Variants in ENTREP2 observed in about 807,000 individuals in gnomAD.
ENTREP2 encodes the protein protein ENTREP2.
the ENTREP2 span, among the ~76,000 whole-genome samples, chr15:29,618,829 G>A: frequency 6.6e-6 from 1 of 152,172 alleles, no homozygotes; most frequent in Admixed American, 6.5e-5. Context: ...ACAGGAGGGT[G>A]ACTCAGCCTG....
At chr15:29,439,113 T>TA in the ENTREP2 span, among the ~76,000 whole-genome samples, 1 of 152,140 alleles carries the variant, frequency 6.6e-6, no homozygotes, top group African/African-American at 2.4e-5. Flanking sequence ...GGAGCTCAAC[T>TA]AGCACCCTGG....
chr15:29,148,558 AGTT>A, the ENTREP2 span, among the ~76,000 whole-genome samples: 1 of 152,236 alleles, frequency 6.6e-6, no homozygotes, highest in Non-Finnish European at 1.5e-5. Context: ...CTATGGAAAT[AGTT>A]GTTATACTGT....
chr15:29,472,766 A>G, the ENTREP2 span, among the ~76,000 whole-genome samples: 1 of 152,196 alleles, frequency 6.6e-6, no homozygotes, highest in African/African-American at 2.4e-5. Context: ...CACCCGGCCT[A>G]TAATCAATTA....
chr15:29,346,318 G>A, the ENTREP2 span, among the ~76,000 whole-genome samples: 19 of 152,276 alleles, frequency 1.2e-4, no homozygotes, highest in African/African-American at 3.4e-4. Context: ...CTCACCGGCC[G>A]GGGACTGCTT....
chr15:29,578,708 C>G, the ENTREP2 span, among the ~76,000 whole-genome samples: 1 of 152,190 alleles, frequency 6.6e-6, no homozygotes, highest in Non-Finnish European at 1.5e-5. Flanking sequence ...TCCTTACGGA[C>G]AGGAATCATT....
the ENTREP2 span, among the ~76,000 whole-genome samples, chr15:29,333,533 G>T: frequency 3.3e-5 from 5 of 152,106 alleles, no homozygotes; most frequent in African/African-American, 1.2e-4. Context: ...GCTTTGGGGG[G>T]ACACGTGGGC....
chr15:29,529,857 T>C, the ENTREP2 span, among the ~76,000 whole-genome samples: 2 of 152,208 alleles, frequency 1.3e-5, no homozygotes, highest in Non-Finnish European at 2.9e-5. Context: ...CACAGGTTTA[T>C]GGCCATTCTG....
chr15:29,334,474 T>C, the ENTREP2 span, among the ~76,000 whole-genome samples: 2 of 152,240 alleles, frequency 1.3e-5, no homozygotes, highest in Non-Finnish European at 2.9e-5. Flanking sequence ...CTGAAAGGCA[T>C]GTTTTCATAG....
At chr15:29,502,002 A>C in the ENTREP2 span, among the ~76,000 whole-genome samples, 4 of 152,150 alleles carry the variant, frequency 2.6e-5, no homozygotes, top group South Asian at 8.3e-4. Context: ...ACCATAAAAC[A>C]TTGCTGAAGT....
At chr15:29,313,234 C>A in the ENTREP2 span, among the ~76,000 whole-genome samples, 2 of 152,150 alleles carry the variant, frequency 1.3e-5, no homozygotes, top group Admixed American at 6.5e-5. Context: ...ACCTGCAAGT[C>A]CAGAAGATCC....
At chr15:29,269,791 G>C in the ENTREP2 span, 1 of 1,255,308 alleles carries the variant, frequency 8.0e-7, no homozygotes, top group Non-Finnish European at 1.0e-6. Context: ...TAACGCCGGT[G>C]CCTGGAGGCG....
the ENTREP2 span, among the ~76,000 whole-genome samples, chr15:29,659,201 T>G: frequency 1.3e-5 from 2 of 152,182 alleles, no homozygotes; most frequent in Non-Finnish European, 2.9e-5. Context: ...CTGGGCACAG[T>G]GGCTCATGCC....
the ENTREP2 span, chr15:29,252,378 C>T: frequency 6.5e-7 from 1 of 1,548,162 alleles, no homozygotes; most frequent in East Asian, 2.4e-5. Flanking sequence ...CAACTGGCAG[C>T]CTTCTAGGGA....
the ENTREP2 span, among the ~76,000 whole-genome samples, chr15:29,651,725 C>A: frequency 6.6e-6 from 1 of 152,240 alleles, no homozygotes; most frequent in Admixed American, 6.5e-5. Flanking sequence ...ACACTCGGGG[C>A]AGCACCGACA....
At chr15:29,269,799 G>A in the ENTREP2 span, 2 of 1,226,284 alleles carry the variant, frequency 1.6e-6, no homozygotes, top group East Asian at 3.1e-5. Flanking sequence ...GTGCCTGGAG[G>A]CGCGCGCAGT....
the ENTREP2 span, among the ~76,000 whole-genome samples, chr15:29,191,941 C>T: frequency 6.6e-6 from 1 of 152,280 alleles, no homozygotes; most frequent in South Asian, 2.1e-4. Flanking sequence ...ATTCATGCTA[C>T]ATTTCCAATG....
chr15:29,471,668 C>G, the ENTREP2 span, among the ~76,000 whole-genome samples: 1 of 152,220 alleles, frequency 6.6e-6, no homozygotes, highest in African/African-American at 2.4e-5. Flanking sequence ...CACGCATACA[C>G]CGGGGTAATA....
chr15:29,418,665 A>G, the ENTREP2 span, among the ~76,000 whole-genome samples: 2 of 152,246 alleles, frequency 1.3e-5, no homozygotes, highest in African/African-American at 4.8e-5. Flanking sequence ...AAAGCTCAAT[A>G]AAATATGGAA....
chr15:29,279,561 C>T, the ENTREP2 span, among the ~76,000 whole-genome samples: 1 of 152,076 alleles, frequency 6.6e-6, no homozygotes, highest in Non-Finnish European at 1.5e-5. Flanking sequence ...GACGGGGTTT[C>T]ACCATGTTGG....
Sources: gnomAD v4.1 joint callset for allele counts (sites outside exome capture counted in the v4.1 genomes callset) on GRCh38, gnomAD v4.1.1 for gene constraint, MANE v1.5 for transcripts, NCBI Gene and HGNC (gene_info 2026-07-23, HGNC 2026-07-21) for gene names.